The following EHF variants were observed in gnomAD, a reference collection of about 807,000 sequenced individuals.
The protein encoded by EHF is ETS homologous factor.
In EHF, 14 loss-of-function variants were observed where a neutral mutation model predicts 45.1. That is an observed-to-expected ratio of 0.31 (90% CI 0.21 to 0.49). EHF has a LOEUF of 0.49. Ranked by LOEUF, EHF falls within the 20% of genes least tolerant of loss-of-function variation. The pLI is 0.99. For synonymous variants in EHF, 136 were observed against 131.8 expected, an observed-to-expected ratio of 1.03 and a Z score of -0.22; for missense variants, 282 against 371.4, an observed-to-expected ratio of 0.76 and a Z score of 1.98.
chr11:34,645,984 A>G (rs1371907752), intron 2 of EHF, among the ~76,000 whole-genome samples: 1 of 150,558 alleles, frequency 6.6e-6, no homozygotes, highest in Non-Finnish European at 1.5e-5. Context: ...AAAGAACCTT[A>G]ATTTCAGGCC....
chr11:34,656,793 G>C, intron 6 of EHF, 115 bp from the exon 7 acceptor site: 1 of 1,166,396 alleles, frequency 8.6e-7, no homozygotes, highest in South Asian at 1.5e-5. Flanking sequence ...CATACTCAAA[G>C]GTGCCAGGCA....
intron 6 of EHF, 103 bp downstream of exon 6, chr11:34,651,908 T>C (rs1244513026): frequency 3.4e-6 from 4 of 1,163,704 alleles, no homozygotes; most frequent in Middle Eastern, 2.9e-4. Flanking sequence ...GTCTTTCTAA[T>C]TAAAGGGCTA....
chr11:34,627,238 A>G (rs1417868908), intron 1 of EHF, among the ~76,000 whole-genome samples: 1 of 152,008 alleles, frequency 6.6e-6, no homozygotes, highest in Non-Finnish European at 1.5e-5. Flanking sequence ...CATGAACCAT[A>G]TTAAGGGGGG....
rs546118682 is a variant in EHF, at chr11:34,660,632, T to C, written c.*1701T>C. On this transcript the variant is annotated 3_prime_UTR_variant, in exon 9 of 9. Coordinates refer to ENST00000257831, the MANE Select transcript of EHF (RefSeq NM_012153.6). ...CAGGAATAAGTAGACACTTTGAAAA[T>C]GGATTTGAATGTTCTCATCCCTTTT... The C allele has an allele frequency of 6.6e-6, 1 of 152,264 alleles. No homozygotes were observed. Among genetic ancestry groups the C allele is most frequent in the South Asian group, 2.1e-4 (1 of 4,830 alleles). 9.4% of individuals were successfully genotyped at this position (152,264 alleles called of 1,614,324 possible).
chr11:34,634,388 C>T (rs1440793370), intron 1 of EHF, among the ~76,000 whole-genome samples: 1 of 152,218 alleles, frequency 6.6e-6, no homozygotes, highest in African/African-American at 2.4e-5. Context: ...GCTCCTTTGG[C>T]TTCAGAGGTA....
intron 1 of EHF, among the ~76,000 whole-genome samples, chr11:34,623,653 C>A (rs975224725): frequency 1.3e-5 from 2 of 152,220 alleles, no homozygotes; most frequent in East Asian, 3.8e-4. Flanking sequence ...CTGGAAGGAG[C>A]TCCTATCGGG....
At chr11:34,642,020 T>A (rs1158926478) in intron 1 of EHF, 1 of 152,150 alleles carries the variant, frequency 6.6e-6, no homozygotes, top group Admixed American at 6.5e-5. Flanking sequence ...ATGGGCAGTG[T>A]CTGTCAGAGA....
intron 1 of EHF, among the ~76,000 whole-genome samples, chr11:34,630,249 C>T (rs1040896951): frequency 2.0e-5 from 3 of 152,166 alleles, no homozygotes; most frequent in African/African-American, 4.8e-5. Flanking sequence ...CTTTCCCCAC[C>T]CCTTCCCAAG....
chr11:34,623,398 T>A (rs922185370), intron 1 of EHF, among the ~76,000 whole-genome samples: 2 of 152,188 alleles, frequency 1.3e-5, no homozygotes, highest in African/African-American at 4.8e-5. Context: ...ATTGTTTTCA[T>A]TTTTAATCTA....
intron 1 of EHF, among the ~76,000 whole-genome samples, chr11:34,640,000 G>T (rs1344914181): frequency 6.6e-6 from 1 of 151,652 alleles, no homozygotes; most frequent in African/African-American, 2.4e-5. Context: ...GGCCCATATT[G>T]TTCTGCAACA....
Position 34,660,217 on chromosome 11 carries a change from T to C in EHF, c.*1286T>C, listed in dbSNP as rs890106126. 6.6e-6 allele frequency: 1 copy of C among 152,144 alleles called. No individual in the cohort carries two copies. The highest frequency in any genetic ancestry group is 1.5e-5 in the Non-Finnish European group (1 of 68,022). 9.4% of individuals were successfully genotyped at this position (152,144 alleles called of 1,614,324 possible). A position where few individuals can be genotyped will look rare whatever the true frequency, so the allele number is the denominator to read the frequency against. ...ATGTCAGATAAAGTAAGCATAGTAA[T>C]GTAGCAGGAACTACAATAGAAGACA... On this transcript the variant is annotated 3_prime_UTR_variant, in exon 9 of 9. Transcript: ENST00000257831.
At chr11:34,642,513 G>A in intron 1 of EHF, 115 bp from the exon 2 acceptor site, 1 of 671,384 alleles carries the variant, frequency 1.5e-6, no homozygotes, top group South Asian at 1.9e-5. Context: ...GGCAGGCAAT[G>A]GGTGGAAGGA....
chr11:34,624,398 T>C (rs1215512912), intron 1 of EHF: 1 of 773,996 alleles, frequency 1.3e-6, no homozygotes, highest in Non-Finnish European at 1.6e-6. Flanking sequence ...TTCTCTTAAA[T>C]CTCTTGCTCT....
At chr11:34,655,177 T>C (rs1203605993) in intron 6 of EHF, among the ~76,000 whole-genome samples, 4 of 152,172 alleles carry the variant, frequency 2.6e-5, no homozygotes, top group Non-Finnish European at 5.9e-5. Context: ...GCCCTGCTAG[T>C]GACAATGCCA....
intron 1 of EHF, among the ~76,000 whole-genome samples, chr11:34,633,449 G>T (rs1177024855): frequency 6.6e-6 from 1 of 152,148 alleles, no homozygotes; most frequent in Non-Finnish European, 1.5e-5. Context: ...AATCTCAATG[G>T]CGAGAGTGTT....
chr11:34,623,068 C>T (rs148102818), intron 1 of EHF, among the ~76,000 whole-genome samples: 168 of 152,148 alleles, frequency 1.1e-3, no homozygotes, highest in African/African-American at 3.9e-3. Flanking sequence ...TAAAAAGCAC[C>T]TATTTGTTCA....
chr11:34,646,973 T>C, intron 3 of EHF: 2 of 464,702 alleles, frequency 4.3e-6, no homozygotes, highest in African/African-American at 2.0e-5. Context: ...ATACTTACTA[T>C]CCTTGGAAAA....
chr11:34,656,641 C>T (rs753721945), intron 6 of EHF, among the ~76,000 whole-genome samples: 11 of 152,130 alleles, frequency 7.2e-5, no homozygotes, highest in African/African-American at 1.4e-4. Context: ...TCCTTTAGGT[C>T]GTGGAATCAG....
chr11:34,631,553 G>A (rs1183132260), intron 1 of EHF: 6 of 984,296 alleles, frequency 6.1e-6, no homozygotes, highest in Non-Finnish European at 6.0e-6. Flanking sequence ...GGACATCTCA[G>A]GCCCTTTCCA....
Sources: allele counts gnomAD v4.1 joint callset (sites outside exome capture counted in the v4.1 genomes callset), GRCh38; gene constraint gnomAD v4.1.1; transcripts MANE v1.5; gene names NCBI Gene and HGNC (gene_info 2026-07-23, HGNC 2026-07-21).